SARM1: variants seen among roughly 807,000 people sequenced by gnomAD.
The protein encoded by SARM1 is NAD(+) hydrolase SARM1.
SARM1 carries 60 observed loss-of-function variants against 65.1 expected under a neutral mutation model. The ratio of observed to expected loss-of-function variants is 0.92; its 90% CI spans 0.75 to 1.14. SARM1 has a LOEUF of 1.14. SARM1 is among the 50% of genes most tolerant of loss of function. SARM1 has a pLI of 0.00. For missense variants in SARM1, 913 were observed against 1,015.7 expected, an observed-to-expected ratio of 0.90 and a Z score of 1.37; for synonymous variants, 417 against 465.4, an observed-to-expected ratio of 0.90 and a Z score of 1.34.
Position 28,373,361 on chromosome 17 carries a change from A to T in SARM1, c.470+859A>T, listed in dbSNP as rs1220868828. The T allele has an allele frequency of 2.0e-5, 3 of 152,296 alleles. No individual in the cohort carries two copies. In the South Asian group the frequency reaches 6.2e-4, roughly 31 times the overall value. The allele number at this position is 152,296 out of a possible 1,614,324, so 9.4% of individuals were successfully genotyped here. Reference sequence around the variant, plus strand: ...GACCAAGCTGTCACACTCCAGTCTCATGCTGAAGTCTCCAGCTTCTCAAGC... The same window carrying T: ...GACCAAGCTGTCACACTCCAGTCTCTTGCTGAAGTCTCCAGCTTCTCAAGC... On this transcript the variant is annotated intron_variant, in intron 1 of 8. Transcript: ENST00000585482.
chr17:28,386,120 C>T (rs1464414546), intron 5 of SARM1, among the ~76,000 whole-genome samples: 1 of 152,110 alleles, frequency 6.6e-6, no homozygotes, highest in Non-Finnish European at 1.5e-5. Context: ...ATGGTGAAAG[C>T]CCATCTCCAC....
rs1393672324 is a variant in SARM1 at position 28,400,700 on chromosome 17, T to C, written c.*4414T>C. ...GTTCAGAGTGGCTGGGTAGAGTGAG[T>C]TGAAGATGCCGGAGGCCGTCAGCAT... On this transcript the variant is annotated 3_prime_UTR_variant, in exon 9 of 9. Transcript: ENST00000585482. 3.5e-5 allele frequency: 57 copies of C among 1,610,628 alleles called. No homozygotes were observed. The highest frequency in any genetic ancestry group is 4.4e-5 in the Non-Finnish European group (52 of 1,178,764).
rs1352061592 is a variant in SARM1 at position 28,398,739 on chromosome 17, A to G, written c.*2453A>G. ...AGAGAGGCATCTCATTGTAGAATGTATGAGGAAGTGGGAAGTATCTCAGAG... is the reference window on the plus strand; with the variant it reads ...AGAGAGGCATCTCATTGTAGAATGTGTGAGGAAGTGGGAAGTATCTCAGAG... On this transcript the variant is annotated 3_prime_UTR_variant, in exon 9 of 9. Transcript: ENST00000585482. 3 of 152,326 alleles carry G rather than the reference A, an allele frequency of 2.0e-5. No individual in the cohort carries two copies. The highest frequency in any genetic ancestry group is 2.0e-4 in the Admixed American group (3 of 15,288). 9.4% of individuals were successfully genotyped at this position (152,326 alleles called of 1,614,324 possible).
rs1377238972 is a variant in SARM1 at position 28,383,079 on chromosome 17, AAAAG to A, written c.1089+1260_1089+1263del. On this transcript the variant is annotated intron_variant, in intron 2 of 8. Coordinates refer to ENST00000585482, the MANE Select transcript of SARM1 (RefSeq NM_015077.4). ...CCATCATGTATGTCCCTGCAGATCA[AAAAG>A]AGACTGCTGGCTGGGTGAGGTGGTT... 2.6e-5 allele frequency among the ~76,000 whole-genome samples: 4 copies of A among 152,178 alleles called. No homozygotes were observed. The East Asian group carries it at 7.7e-4, about 29-fold the overall frequency.
Position 28,381,626 on chromosome 17 carries a change from G to A in SARM1, c.894G>A (p.Pro298=), listed in dbSNP as rs149305024. The change falls in exon 2 of 9, where the codon CCG becomes CCA. Residue 298 remains proline (P), a synonymous_variant. Transcript: ENST00000585482. ...CGGGCACGCTGGCGCTCGTGGAGCC[G>A]CTTGTGGCCTCGCTGGACCCTGGCC... ...ERSGTLALVE[P]LVASLDPGRF... is the part of the protein sequence containing the mutation. The A allele has an allele frequency of 1.3e-6, 2 of 1,570,812 alleles. No homozygotes were observed. Among genetic ancestry groups the A allele is most frequent in the African/African-American group, 1.4e-5 (1 of 73,738 alleles).
At chr17:28,391,277 A>T (rs1376873718) in intron 7 of SARM1, among the ~76,000 whole-genome samples, 1 of 152,206 alleles carries the variant, frequency 6.6e-6, no homozygotes, top group Non-Finnish European at 1.5e-5. Flanking sequence ...GCTAGTTACT[A>T]TAAAGTTAGC....
In SARM1 at chr17:28,400,467, G is replaced by A; in HGVS notation, c.*4181G>A. 1.8e-6 allele frequency: 2 copies of A among 1,114,792 alleles called. No individual in the cohort carries two copies. The highest frequency in any genetic ancestry group is 2.5e-6 in the Non-Finnish European group (2 of 795,708). The allele number at this position is 1,114,792 out of a possible 1,614,324, so 69.1% of individuals were successfully genotyped here. ...CTCCTGGAGGATTAGGCAGCCATCTGCAAGGAGAGGGGCAACCTGGGACAA... is the reference window on the plus strand; with the variant it reads ...CTCCTGGAGGATTAGGCAGCCATCTACAAGGAGAGGGGCAACCTGGGACAA... On this transcript the variant is annotated 3_prime_UTR_variant, in exon 9 of 9. Coordinates refer to ENST00000585482, the MANE Select transcript of SARM1 (RefSeq NM_015077.4).
Position 28,372,122 on chromosome 17 carries a change from G to T in SARM1, c.90G>T (p.Val30=). ...GGCCGGGCGCCGAGCGGCTGGCGGT[G>T]CCTGGGCCAGATGGGGGCGGTGGCA... ...GPRPGAERLA[V]PGPDGGGGTG... is the part of the protein sequence containing the mutation. The change falls in exon 1 of 9, where the codon GTG becomes GTT. Residue 30 remains valine (V), a synonymous_variant. Coordinates refer to ENST00000585482, the MANE Select transcript of SARM1 (RefSeq NM_015077.4). This position sits in a 1 kb window ranked among gnomAD's most constrained non-coding sequence, Gnocchi z 5.2. 4 of 1,465,408 alleles carry T rather than the reference G, an allele frequency of 2.7e-6. No homozygotes were observed. Among genetic ancestry groups the T allele is most frequent in the Non-Finnish European group, 3.6e-6 (4 of 1,115,626 alleles). 90.8% of individuals were successfully genotyped at this position (1,465,408 alleles called of 1,614,324 possible).
intron 7 of SARM1, among the ~76,000 whole-genome samples, chr17:28,392,503 A>G (rs868982141): frequency 2.0e-5 from 3 of 152,278 alleles, no homozygotes; most frequent in Admixed American, 6.5e-5. Flanking sequence ...GGATGAAACA[A>G]ATTTCTAAAA....
In SARM1 at chr17:28,372,175, G is replaced by A; in HGVS notation, c.143G>A (p.Arg48His). The A allele has an allele frequency of 7.3e-7, 1 of 1,362,240 alleles. No homozygotes were observed. The highest frequency in any genetic ancestry group is 9.4e-7 in the Non-Finnish European group (1 of 1,067,866). 84.4% of individuals were successfully genotyped at this position (1,362,240 alleles called of 1,614,324 possible). ...GTGPWWAAGG[R>H]GPREVSPGAG... ...GGCCCATGGTGGGCTGCGGGTGGCC[G>A]CGGGCCCCGCGAAGTGTCGCCGGGG... The change falls in exon 1 of 9, where the codon CGC (arginine) becomes CAC (histidine). Residue 48 changes from arginine to histidine, a missense_variant. Coordinates refer to ENST00000585482, the MANE Select transcript of SARM1 (RefSeq NM_015077.4). The surrounding 1 kb of genome is among the most constrained non-coding windows in gnomAD (Gnocchi z 5.2).
chr17:28,385,319 C>T lies in SARM1; in HGVS notation c.1630+44C>T. ...GACCCCGCCCCAGCCCCAGCCCCAG[C>T]CACGGCCCTGGAATGGTGAGGGGAG... is the stretch of plus-strand genomic sequence containing the variant. On this transcript the variant is annotated intron_variant, in intron 5 of 8. Transcript: ENST00000585482. This position sits in a 1 kb window ranked among gnomAD's most constrained non-coding sequence, Gnocchi z 4.5. 7.0e-7 allele frequency: 1 copy of T among 1,425,842 alleles called. No homozygotes were observed. The highest frequency in any genetic ancestry group is 9.4e-7 in the Non-Finnish European group (1 of 1,068,108). The allele number at this position is 1,425,842 out of a possible 1,614,324, so 88.3% of individuals were successfully genotyped here.
In SARM1 at chr17:28,381,255, C is replaced by T. The variant is rs782715579; in HGVS notation, c.523C>T (p.Arg175Cys). Residue 175 changes from arginine to cysteine, a missense_variant, in exon 2 of 9, where the codon CGC (arginine) becomes TGC (cysteine). Transcript: ENST00000585482. ...LGVILNLAKE[R>C]EPVELARSVA... is the part of the protein sequence containing the mutation. The stretch of plus-strand genomic sequence containing the variant: ...CGTGATCCTGAACCTGGCGAAGGAA[C>T]GCGAACCCGTAGAGCTGGCGCGGAG... 3 of 1,610,656 alleles carry T rather than the reference C, an allele frequency of 1.9e-6. No individual in the cohort carries two copies. Among genetic ancestry groups the T allele is most frequent in the South Asian group, 1.1e-5 (1 of 90,216 alleles).
chr17:28,375,064 G>A lies in SARM1; in HGVS notation c.470+2562G>A, dbSNP rs1410389805. On this transcript the variant is annotated intron_variant, in intron 1 of 8. Transcript: ENST00000585482. ...GCTTTCTTCTTCTCAGGATGCTATT[G>A]CACCCATTGTCAAGGAGCCTAGGTC... Among the ~76,000 whole-genome samples, 3 of 147,914 alleles carry A rather than the reference G, an allele frequency of 2.0e-5. No individual in the cohort carries two copies. In the South Asian group the frequency reaches 6.4e-4, roughly 32 times the overall value.
chr17:28,372,602 C>T lies in SARM1; in HGVS notation c.470+100C>T. 1.2e-6 allele frequency: 1 copy of T among 844,844 alleles called. No homozygotes were observed. Among genetic ancestry groups the T allele is most frequent in the Non-Finnish European group, 1.8e-6 (1 of 569,132 alleles). 52.3% of individuals were successfully genotyped at this position (844,844 alleles called of 1,614,324 possible). ...TGCGCCGTGCCTTTGCCTCCCTCAC[C>T]TCTCTGACTGCCTGCACTACATCTC... is the stretch of plus-strand genomic sequence containing the variant. On this transcript the variant is annotated intron_variant, in intron 1 of 8. Coordinates refer to ENST00000585482, the MANE Select transcript of SARM1 (RefSeq NM_015077.4). This position sits in a 1 kb window ranked among gnomAD's most constrained non-coding sequence, Gnocchi z 5.2.
In SARM1 at chr17:28,385,277, T is replaced by C. The variant is rs782507528; in HGVS notation, c.1630+2T>C. On this transcript the variant is annotated splice_donor_variant, in intron 5 of 8. Transcript: ENST00000585482. LOFTEE classifies it high-confidence loss of function. The surrounding 1 kb of genome is among the most constrained non-coding windows in gnomAD (Gnocchi z 4.5). ...CCCGCATCCTCACGGCGGCCAGAGG[T>C]CAGCCCGCTCACCCGGGACCCCGCC... is the stretch of plus-strand genomic sequence containing the variant. 3.8e-5 allele frequency: 58 copies of C among 1,528,018 alleles called. No homozygotes were observed. Among genetic ancestry groups the C allele is most frequent in the Non-Finnish European group, 4.8e-5 (55 of 1,142,056 alleles). 94.7% of individuals were successfully genotyped at this position (1,528,018 alleles called of 1,614,324 possible). A position where few individuals can be genotyped will look rare whatever the true frequency, so the allele number is the denominator to read the frequency against.
chr17:28,385,295 ACCCCG>A lies in SARM1; in HGVS notation c.1630+25_1630+29del. 2.7e-6 allele frequency: 4 copies of A among 1,491,918 alleles called. No individual in the cohort carries two copies. Among genetic ancestry groups the A allele is most frequent in the Non-Finnish European group, 3.6e-6 (4 of 1,120,390 alleles). 92.4% of individuals were successfully genotyped at this position (1,491,918 alleles called of 1,614,324 possible). ...CCAGAGGTCAGCCCGCTCACCCGGGACCCCGCCCCAGCCCCAGCCCCAGCCACGGC... is the reference window on the plus strand; with the variant it reads ...CCAGAGGTCAGCCCGCTCACCCGGGACCCCAGCCCCAGCCCCAGCCACGGC... On this transcript the variant is annotated intron_variant, in intron 5 of 8. Coordinates refer to ENST00000585482, the MANE Select transcript of SARM1 (RefSeq NM_015077.4). The surrounding 1 kb of genome is among the most constrained non-coding windows in gnomAD (Gnocchi z 4.5).
intron 7 of SARM1, chr17:28,395,678 A>C: frequency 7.7e-6 from 4 of 521,580 alleles, no homozygotes; most frequent in East Asian, 3.3e-5. Flanking sequence ...TCATCACTCA[A>C]GAGATTCCAA....
At chr17:28,394,054 G>T (rs1265274236) in intron 7 of SARM1, among the ~76,000 whole-genome samples, 1 of 152,210 alleles carries the variant, frequency 6.6e-6, no homozygotes, top group Non-Finnish European at 1.5e-5. Flanking sequence ...CAGGGCAGGG[G>T]TAGAGTTTGA....
chr17:28,385,358 C>A lies in SARM1; in HGVS notation c.1630+83C>A, dbSNP rs938121211. On this transcript the variant is annotated intron_variant, in intron 5 of 8. Coordinates refer to ENST00000585482, the MANE Select transcript of SARM1 (RefSeq NM_015077.4). This position sits in a 1 kb window ranked among gnomAD's most constrained non-coding sequence, Gnocchi z 4.5. Reference sequence around the variant, plus strand: ...TGGTGAGGGGAGACACGGGGTGGAGCCTTCCAGCCTCGCCGTGGATTGATT... The same window carrying A: ...TGGTGAGGGGAGACACGGGGTGGAGACTTCCAGCCTCGCCGTGGATTGATT... The A allele has an allele frequency of 1.4e-5, 15 of 1,056,252 alleles. No individual in the cohort carries two copies. The highest frequency in any genetic ancestry group is 3.2e-5 in the African/African-American group (2 of 62,590). 65.4% of individuals were successfully genotyped at this position (1,056,252 alleles called of 1,614,324 possible).
Sources: allele counts gnomAD v4.1 joint callset (sites outside exome capture counted in the v4.1 genomes callset), GRCh38; gene constraint gnomAD v4.1.1; non-coding constraint Gnocchi (gnomAD v3.1); transcripts MANE v1.5; gene names NCBI Gene and HGNC (gene_info 2026-07-23, HGNC 2026-07-21).